Variants in GNAL observed in about 807,000 individuals in gnomAD.
The protein encoded by GNAL is G protein subunit alpha L, also known as guanine nucleotide-binding protein G(olf) subunit alpha.
In GNAL, 18 loss-of-function variants were observed where a neutral mutation model predicts 55.1. The observed-to-expected ratio is 0.33, with a 90% confidence interval of 0.23 to 0.48. The LOEUF is 0.48. Among genes scored for constraint, GNAL ranks in the 20% least tolerant of loss-of-function variants. The probability of loss-of-function intolerance (pLI) is 0.99; values close to 1 mark genes in which losing one functional copy is unlikely to be tolerated. For synonymous variants in GNAL, 253 were observed against 237.0 expected (o/e 1.07, Z -0.62); for missense variants, 412 against 614.1 (o/e 0.67, Z 3.48).
intron 4 of GNAL, among the ~76,000 whole-genome samples, chr18:11,780,785 A>G (rs2033906819): frequency 6.6e-6 from 1 of 152,224 alleles, no homozygotes; most frequent in Non-Finnish European, 1.5e-5. Context: ...GTAAATGTGA[A>G]TTATTATTGT....
chr18:11,806,284 C>T (rs1485879771), intron 4 of GNAL, among the ~76,000 whole-genome samples: 1 of 152,210 alleles, frequency 6.6e-6, no homozygotes, highest in East Asian at 1.9e-4. Context: ...TTCACTCATT[C>T]TGCAGGTTGT....
intron 1 of GNAL, among the ~76,000 whole-genome samples, chr18:11,709,790 T>C (rs946802199): frequency 1.2e-4 from 18 of 152,204 alleles, no homozygotes; most frequent in African/African-American, 4.3e-4. Context: ...ATGCTTTTTA[T>C]TTCTTTTTCT....
Position 11,839,092 on chromosome 18 carries a change from GCTAA to G in GNAL, c.722+14080_722+14083del, listed in dbSNP as rs760497838. ...TTTTGTAAACTGTTCATTATGATGG[GCTAA>G]CTGACATGAAATTATTGTGTACCAC... On this transcript the variant is annotated intron_variant, in intron 5 of 11. Coordinates refer to ENST00000334049, the MANE Select transcript of GNAL (RefSeq NM_182978.4). Among the ~76,000 whole-genome samples, 17 of 152,258 alleles carry G rather than the reference GCTAA, an allele frequency of 1.1e-4. No homozygotes were observed. In the South Asian group the frequency reaches 2.1e-3, roughly 19 times the overall value.
intron 5 of GNAL, chr18:11,853,111 T>A (rs1407093359): frequency 6.0e-6 from 1 of 167,120 alleles, no homozygotes; most frequent in African/African-American, 2.4e-5. Context: ...AGAAATAAAA[T>A]TAGAACTGCG....
intron 4 of GNAL, among the ~76,000 whole-genome samples, chr18:11,757,866 G>A (rs1305364451): frequency 1.3e-5 from 2 of 151,958 alleles, no homozygotes; most frequent in African/African-American, 2.4e-5. Context: ...TGGCTTTGGC[G>A]GCTTCAAGGT....
intron 4 of GNAL, among the ~76,000 whole-genome samples, chr18:11,768,905 A>T (rs149661472): frequency 0.36 from 39,459 of 109,712 alleles, 9,362 homozygotes; most frequent in African/African-American, 0.69. Flanking sequence ...AAAAAAAAAA[A>T]AAATATATAT....
intron 1 of GNAL, among the ~76,000 whole-genome samples, chr18:11,696,204 A>G (rs1400338607): frequency 6.6e-6 from 1 of 152,090 alleles, no homozygotes; most frequent in Non-Finnish European, 1.5e-5. Context: ...TGAACTCACA[A>G]AAGCATAACA....
intron 4 of GNAL, among the ~76,000 whole-genome samples, chr18:11,786,667 G>A (rs1301496574): frequency 1.3e-5 from 2 of 150,166 alleles, no homozygotes; most frequent in South Asian, 2.1e-4. Context: ...TAGCCAGGAT[G>A]GTCTCCATCT....
chr18:11,691,283 C>T (rs1429256350), intron 1 of GNAL, among the ~76,000 whole-genome samples: 1 of 150,880 alleles, frequency 6.6e-6, no homozygotes, highest in Non-Finnish European at 1.5e-5. Flanking sequence ...TGTTCATGTC[C>T]TTTGCCCACT....
chr18:11,774,226 G>T (rs1449865190), intron 4 of GNAL, among the ~76,000 whole-genome samples: 1 of 152,146 alleles, frequency 6.6e-6, no homozygotes, highest in African/African-American at 2.4e-5. Flanking sequence ...TCTTGGTGTG[G>T]CCGAAGAACA....
At chr18:11,857,674 G>A (rs1280042809) in intron 5 of GNAL, 11 of 984,344 alleles carry the variant, frequency 1.1e-5, no homozygotes, top group Non-Finnish European at 1.2e-5. Context: ...ACATGCTGAC[G>A]CAGTGGGTCT....
At chr18:11,735,210 C>T (rs988208478) in intron 1 of GNAL, among the ~76,000 whole-genome samples, 1 of 151,602 alleles carries the variant, frequency 6.6e-6, no homozygotes, top group African/African-American at 2.4e-5. Flanking sequence ...ACCACCACAC[C>T]CGTCTAATTT....
rs544813052 is a variant in GNAL at position 11,725,345 on chromosome 18, G to A, written c.377-27508G>A. 2.0e-5 allele frequency among the ~76,000 whole-genome samples: 3 copies of A among 152,240 alleles called. No individual in the cohort carries two copies. In the East Asian group the frequency reaches 5.8e-4, roughly 29 times the overall value. On this transcript the variant is annotated intron_variant, in intron 1 of 11. Coordinates refer to ENST00000334049, the MANE Select transcript of GNAL (RefSeq NM_182978.4). ...AGACCATGTGAAGACCCAGGGAGAG[G>A]ACGCCATCCGCAAGCCAGGGAAAGA... is the stretch of plus-strand genomic sequence containing the variant.
chr18:11,877,785 G>A (rs1383505329), intron 11 of GNAL, among the ~76,000 whole-genome samples: 3 of 152,180 alleles, frequency 2.0e-5, no homozygotes, highest in African/African-American at 7.2e-5. Context: ...ACCCCTGTGG[G>A]ATGACTCTTG....
At chr18:11,762,269 T>G (rs777304282) in intron 4 of GNAL, among the ~76,000 whole-genome samples, 1 of 152,162 alleles carries the variant, frequency 6.6e-6, no homozygotes, top group Non-Finnish European at 1.5e-5. Flanking sequence ...AGCAACAGTT[T>G]TCAGTGGGGC....
chr18:11,820,570 T>C (rs1029053637), intron 4 of GNAL, among the ~76,000 whole-genome samples: 2 of 152,240 alleles, frequency 1.3e-5, no homozygotes, highest in Non-Finnish European at 2.9e-5. Context: ...GGATGAGATA[T>C]GGATGAAAAG....
At chr18:11,860,904 A>G (rs1428216614) in intron 5 of GNAL, among the ~76,000 whole-genome samples, 1 of 152,144 alleles carries the variant, frequency 6.6e-6, no homozygotes, top group African/African-American at 2.4e-5. Flanking sequence ...GAGGCTTCTC[A>G]AGTGCCTTCA....
At chr18:11,823,892 A>G (rs1183729978) in intron 4 of GNAL, among the ~76,000 whole-genome samples, 1 of 152,198 alleles carries the variant, frequency 6.6e-6, no homozygotes, top group Admixed American at 6.5e-5. Flanking sequence ...CGTTTTGGGT[A>G]ATATTACCAA....
At position 11,862,422 on chromosome 18, in the gene GNAL, C is replaced by G; in HGVS notation, c.750C>G (p.Ser250Arg). 6.2e-7 allele frequency: 1 copy of G among 1,613,680 alleles called. No homozygotes were observed. Among genetic ancestry groups the G allele is most frequent in the Non-Finnish European group, 8.5e-7 (1 of 1,179,576 alleles). ...TCCTGGAAAGAATCGACAGCGTCAGCTTGGTTGACTACACACCCACAGACC... is the reference window on the plus strand; with the variant it reads ...TCCTGGAAAGAATCGACAGCGTCAGGTTGGTTGACTACACACCCACAGACC... ...QYFLERIDSV[S>R]LVDYTPTDQD... The change falls in exon 6 of 12, where the codon AGC becomes AGG. Residue 250 changes from serine to arginine, a missense_variant. Transcript: ENST00000334049.
Sources: allele counts gnomAD v4.1 joint callset (sites outside exome capture counted in the v4.1 genomes callset), GRCh38; gene constraint gnomAD v4.1.1; transcripts MANE v1.5; gene names NCBI Gene and HGNC (gene_info 2026-07-23, HGNC 2026-07-21).